XKR9: variants seen among roughly 807,000 people sequenced by gnomAD.
XKR9 encodes XK-related protein 9.
A neutral mutation model predicts 32.0 loss-of-function variants in XKR9; 32 were observed. The observed-to-expected ratio is 1.00, with a 90% confidence interval of 0.76 to 1.34. The LOEUF (loss-of-function observed/expected upper bound fraction) is 1.34. Among genes scored for constraint, XKR9 ranks in the 40% most tolerant of loss-of-function variants. XKR9 has a pLI of 0.00. For missense variants in XKR9, 546 were observed against 429.7 expected, an observed-to-expected ratio of 1.27 and a Z score of -2.39; for synonymous variants, 168 against 143.4, an observed-to-expected ratio of 1.17 and a Z score of -1.22.
At chr8:70,943,212 G>A in the XKR9 span, among the ~76,000 whole-genome samples, 17 of 152,226 alleles carry the variant, frequency 1.1e-4, no homozygotes, top group Middle Eastern at 3.4e-3. Context: ...ATTCATTGAA[G>A]TGTTTCTTTA....
At chr8:70,759,092 G>A (rs1001705234) in intron 2 of XKR9, among the ~76,000 whole-genome samples, 2 of 152,118 alleles carry the variant, frequency 1.3e-5, no homozygotes, top group South Asian at 2.1e-4. Context: ...GTTAGTGCCC[G>A]GACTATACAG....
chr8:70,813,384 A>C, the XKR9 span, among the ~76,000 whole-genome samples: 1 of 152,240 alleles, frequency 6.6e-6, no homozygotes, highest in African/African-American at 2.4e-5. Context: ...GGCATGCGCA[A>C]GGTCTTCATG....
At chr8:71,010,484 C>T in the XKR9 span, among the ~76,000 whole-genome samples, 1 of 152,202 alleles carries the variant, frequency 6.6e-6, no homozygotes. Context: ...TGGGCCCTGA[C>T]TCTTTCTTAC....
At chr8:70,993,783 T>C in the XKR9 span, among the ~76,000 whole-genome samples, 6 of 152,090 alleles carry the variant, frequency 3.9e-5, no homozygotes, top group Non-Finnish European at 8.8e-5. Context: ...AGTCTCTTTT[T>C]CCTGTGAGTT....
chr8:70,710,769 A>T (rs1380262606), intron 4 of XKR9, among the ~76,000 whole-genome samples: 1 of 152,110 alleles, frequency 6.6e-6, no homozygotes, highest in Admixed American at 6.6e-5. Flanking sequence ...CAACAAAAAA[A>T]AAGTTGACAG....
chr8:70,801,192 G>A, the XKR9 span, among the ~76,000 whole-genome samples: 1 of 151,968 alleles, frequency 6.6e-6, no homozygotes, highest in Non-Finnish European at 1.5e-5. Context: ...ATTCAACTCT[G>A]TCTTTTGCTA....
At chr8:70,781,926 A>C (rs1169977609) in intron 2 of XKR9, among the ~76,000 whole-genome samples, 2 of 152,202 alleles carry the variant, frequency 1.3e-5, no homozygotes, top group Non-Finnish European at 2.9e-5. Flanking sequence ...TATGATTTAC[A>C]CTATGGATTT....
intron 2 of XKR9, among the ~76,000 whole-genome samples, chr8:70,781,217 C>T (rs1014858202): frequency 5.9e-5 from 9 of 151,932 alleles, no homozygotes; most frequent in African/African-American, 1.9e-4. Context: ...ACTTGTGTAT[C>T]TTTTTTGGAA....
the XKR9 span, among the ~76,000 whole-genome samples, chr8:71,053,107 C>T: frequency 6.6e-6 from 1 of 152,136 alleles, no homozygotes; most frequent in Non-Finnish European, 1.5e-5. Flanking sequence ...AAATTGCCTT[C>T]CGTATATATT....
At chr8:70,675,776 G>A (rs1818864057) in intron 2 of XKR9, among the ~76,000 whole-genome samples, 1 of 152,170 alleles carries the variant, frequency 6.6e-6, no homozygotes, top group Admixed American at 6.5e-5. Context: ...TGAGACATCA[G>A]CAGCCTGGAC....
chr8:70,929,758 G>A, the XKR9 span, among the ~76,000 whole-genome samples: 1 of 152,278 alleles, frequency 6.6e-6, no homozygotes, highest in East Asian at 1.9e-4. Context: ...AGATCTCGAT[G>A]ACATCCTCTT....
chr8:70,780,604 C>A (rs1807601763), intron 2 of XKR9, among the ~76,000 whole-genome samples: 1 of 152,078 alleles, frequency 6.6e-6, no homozygotes, highest in African/African-American at 2.4e-5. Flanking sequence ...AGGAAGAATT[C>A]TTCCCTAGAA....
intron 4 of XKR9, among the ~76,000 whole-genome samples, chr8:70,717,372 G>T (rs1806126946): frequency 6.6e-6 from 1 of 152,174 alleles, no homozygotes; most frequent in Non-Finnish European, 1.5e-5. Flanking sequence ...GCAAAATTCT[G>T]CCTGGAAACC....
At chr8:70,704,026 CA>C (rs1190027192) in intron 3 of XKR9, among the ~76,000 whole-genome samples, 1 of 151,746 alleles carries the variant, frequency 6.6e-6, no homozygotes, top group African/African-American at 2.4e-5. Flanking sequence ...ACTAAAAATA[CA>C]AAAAATTAGC....
the XKR9 span, among the ~76,000 whole-genome samples, chr8:70,997,887 C>T: frequency 4.8e-3 from 726 of 152,164 alleles, 4 homozygotes; most frequent in South Asian, 0.016. Context: ...TTGTAGGATG[C>T]GGAACTGATT....
chr8:70,984,210 T>C, the XKR9 span, among the ~76,000 whole-genome samples: 3 of 152,228 alleles, frequency 2.0e-5, no homozygotes, highest in Non-Finnish European at 1.5e-5. Flanking sequence ...CCATCATTGT[T>C]GCCACTGCTA....
At chr8:70,907,877 C>A in the XKR9 span, among the ~76,000 whole-genome samples, 1 of 152,126 alleles carries the variant, frequency 6.6e-6, no homozygotes, top group East Asian at 1.9e-4. Context: ...TTTAAATGCT[C>A]AAAATAGAAA....
chr8:70,818,450 A>T, the XKR9 span, among the ~76,000 whole-genome samples: 5 of 152,090 alleles, frequency 3.3e-5, no homozygotes, highest in African/African-American at 2.4e-5. Flanking sequence ...AAACTTCATG[A>T]TTGTAGATAT....
the XKR9 span, among the ~76,000 whole-genome samples, chr8:70,861,236 A>G: frequency 6.6e-6 from 1 of 152,266 alleles, no homozygotes; most frequent in East Asian, 1.9e-4. Context: ...AGACTGCCTG[A>G]GTTTGGATCC....
Sources: gnomAD v4.1 joint callset for allele counts (sites outside exome capture counted in the v4.1 genomes callset) on GRCh38, gnomAD v4.1.1 for gene constraint, MANE v1.5 for transcripts, NCBI Gene and HGNC (gene_info 2026-07-23, HGNC 2026-07-21) for gene names.